Variants in CAMKK2 observed in about 807,000 individuals in gnomAD.
CAMKK2 encodes the protein calcium/calmodulin dependent protein kinase kinase 2, also known as calcium/calmodulin-dependent protein kinase kinase 2.
A neutral mutation model predicts 67.2 loss-of-function variants in CAMKK2; 30 were observed. The observed-to-expected ratio is 0.45, with a 90% CI of 0.33 to 0.61. The LOEUF is 0.61. CAMKK2 is among the 20% of genes least tolerant of loss of function. CAMKK2 has a pLI of 0.02. For missense variants in CAMKK2, 643 were observed against 802.0 expected (o/e 0.80, Z 2.39); for synonymous variants, 322 against 326.2 (o/e 0.99, Z 0.14).
rs201741875 is a variant in CAMKK2, at chr12:121,248,666, G to A, written c.1392C>T (p.Val464=). ...LPSEDENCTL[V]EVTEEEVENS... ...TCTCGACCTCCTCTTCAGTCACTTCGACCAGCGTGCAGTTCTCATCCTCCG... is the reference window on the plus strand; with the variant it reads ...TCTCGACCTCCTCTTCAGTCACTTCAACCAGCGTGCAGTTCTCATCCTCCG... The change falls in exon 14 of 17, where the codon GTC becomes GTT. Residue 464 remains valine (V), a synonymous_variant. Transcript: ENST00000404169. 363 of 1,614,068 alleles carry A rather than the reference G, an allele frequency of 2.2e-4. No individual in the cohort carries two copies. Among genetic ancestry groups the A allele is most frequent in the Admixed American group, 4.7e-4 (28 of 60,006 alleles).
At chr12:121,296,798 T>C (rs1026976137), upstream of CAMKK2, 2 of 140,706 alleles carry the variant, frequency 1.4e-5, no homozygotes, top group African/African-American at 2.6e-5. This position sits in a 1 kb window ranked among gnomAD's most constrained non-coding sequence, Gnocchi z 7.1. Flanking sequence ...CTTGGGCGCG[T>C]CGCCGCCCCG....
chr12:121,297,292 C>A, upstream of CAMKK2: 2 of 257,246 alleles, frequency 7.8e-6, no homozygotes, highest in South Asian at 7.9e-5. Flanking sequence ...CTGCGCTAGG[C>A]GCCGGGCGGT....
At chr12:121,267,035 T>C (rs1201474510) in intron 5 of CAMKK2, among the ~76,000 whole-genome samples, 1 of 145,758 alleles carries the variant, frequency 6.9e-6, no homozygotes, top group Non-Finnish European at 1.5e-5. Flanking sequence ...TTTTTTTTTT[T>C]TTTTTTTTTT....
chr12:121,270,335 G>A (rs1593408854), intron 3 of CAMKK2, among the ~76,000 whole-genome samples: 1 of 149,832 alleles, frequency 6.7e-6, no homozygotes, highest in Non-Finnish European at 1.5e-5. Context: ...GCGCCACTGC[G>A]CTCCAGCCTT....
rs1420240382 is a variant in CAMKK2 at position 121,270,834 on chromosome 12, C to G, written c.519+64G>C. ...TCCTGCTCCCAGCTTTACCCCGTTC[C>G]CTCCACAGTATCTGAACGCCCCTGG... is the stretch of plus-strand genomic sequence containing the variant. On this transcript the variant is annotated intron_variant, in intron 3 of 16. Coordinates refer to ENST00000404169, the MANE Select transcript of CAMKK2 (RefSeq NM_001270485.2). 3.8e-6 allele frequency: 5 copies of G among 1,317,228 alleles called. No individual in the cohort carries two copies. The Admixed American group carries it at 8.5e-5, about 22-fold the overall frequency. 81.6% of individuals were successfully genotyped at this position (1,317,228 alleles called of 1,614,324 possible). A position where few individuals can be genotyped will look rare whatever the true frequency, so the allele number is the denominator to read the frequency against.
At chr12:121,294,320 G>A (rs1900710202) in intron 1 of CAMKK2, among the ~76,000 whole-genome samples, 3 of 152,170 alleles carry the variant, frequency 2.0e-5, no homozygotes, top group Admixed American at 1.3e-4. Flanking sequence ...CTAAAAGCCA[G>A]GAGTGCTTAG....
intron 7 of CAMKK2, among the ~76,000 whole-genome samples, chr12:121,259,391 C>G (rs940126974): frequency 6.6e-6 from 1 of 152,202 alleles, no homozygotes; most frequent in African/African-American, 2.4e-5. Flanking sequence ...CCTGATGAAC[C>G]TACAGCAGGG....
At position 121,274,204 on chromosome 12, in the gene CAMKK2, C is replaced by G; in HGVS notation, c.323G>C (p.Gly108Ala). 1 of 1,602,856 alleles carries G rather than the reference C, an allele frequency of 6.2e-7. No homozygotes were observed. Among genetic ancestry groups the G allele is most frequent in the Non-Finnish European group, 8.5e-7 (1 of 1,172,670 alleles). ...GTCCAGGCTGCCACCGGCTGCCAGCCCACCCTGGGACCGCTCTTGCAGAGA... is the reference window on the plus strand; with the variant it reads ...GTCCAGGCTGCCACCGGCTGCCAGCGCACCCTGGGACCGCTCTTGCAGAGA... ...KLSLQERSQG[G>A]LAAGGSLDMN... Residue 108 changes from glycine (G) to alanine (A), a missense_variant, in exon 2 of 17, where the codon GGG (glycine) becomes GCG (alanine). Gly to Ala is a moderately conservative substitution (Grantham distance 60). This residue lies in a region of CAMKK2 where 483 missense variants were observed against 625.8 expected (regional missense o/e 0.77). Transcript: ENST00000404169.
At chr12:121,292,700 T>C (rs1210843216) in intron 1 of CAMKK2, among the ~76,000 whole-genome samples, 3 of 152,208 alleles carry the variant, frequency 2.0e-5, no homozygotes, top group East Asian at 3.9e-4. Flanking sequence ...CCAGACACAA[T>C]GGCTATAATC....
At chr12:121,252,784 G>A (rs1560568) in intron 10 of CAMKK2, 70 bp from the exon 11 acceptor site, 227,403 of 1,499,156 alleles carry the variant, frequency 0.15, 19,773 homozygotes, top group Admixed American at 0.31. Flanking sequence ...GTTTTCCTTT[G>A]GGGAACCACC....
intron 14 of CAMKK2, among the ~76,000 whole-genome samples, 154 bp downstream of exon 14, chr12:121,248,452 T>C (rs1055728258): frequency 2.6e-5 from 4 of 152,230 alleles, no homozygotes; most frequent in African/African-American, 9.6e-5. Flanking sequence ...CCTGGCCTGA[T>C]ACATGACCAA....
At chr12:121,288,905 C>T (rs894119581) in intron 1 of CAMKK2, among the ~76,000 whole-genome samples, 1 of 152,104 alleles carries the variant, frequency 6.6e-6, no homozygotes, top group Non-Finnish European at 1.5e-5. Context: ...GGGGTGGGGG[C>T]ACTACAGAAT....
intron 1 of CAMKK2, among the ~76,000 whole-genome samples, chr12:121,295,632 C>G (rs1900991435): frequency 6.6e-6 from 1 of 152,166 alleles, no homozygotes; most frequent in Admixed American, 6.5e-5. Flanking sequence ...CGTGGAGACT[C>G]CAAACACCAG....
chr12:121,282,334 AGGGACT>A (rs1400529290), intron 1 of CAMKK2, among the ~76,000 whole-genome samples: 1 of 152,202 alleles, frequency 6.6e-6, no homozygotes, highest in Admixed American at 6.5e-5. Context: ...GCAATGCTAC[AGGGACT>A]GGGCTCAGAC....
chr12:121,262,234 C>T (rs981587026), intron 6 of CAMKK2, among the ~76,000 whole-genome samples: 12 of 152,136 alleles, frequency 7.9e-5, no homozygotes, highest in Non-Finnish European at 1.3e-4. Flanking sequence ...ATTACTCGGC[C>T]GGGTGCAGTG....
At chr12:121,274,685 C>T (rs1896477970) in intron 1 of CAMKK2, 100 bp from the exon 2 acceptor site, 3 of 600,050 alleles carry the variant, frequency 5.0e-6, no homozygotes, top group Non-Finnish European at 8.8e-6. Context: ...ATTCCTGCCT[C>T]CAGTTGACAT....
At chr12:121,292,195 G>T (rs1900173170) in intron 1 of CAMKK2, among the ~76,000 whole-genome samples, 1 of 151,426 alleles carries the variant, frequency 6.6e-6, no homozygotes. Context: ...GCACGATCTT[G>T]GCTCAATGCA....
At chr12:121,244,455 C>G in intron 16 of CAMKK2, 118 bp downstream of exon 16, 1 of 1,013,640 alleles carries the variant, frequency 9.9e-7, no homozygotes, top group South Asian at 1.5e-5. Flanking sequence ...AGCCGGGCCA[C>G]AGCAGCCCAG....
Position 121,249,777 on chromosome 12 carries a change from C to T in CAMKK2, c.1323+10G>A. On this transcript the variant is annotated intron_variant, in intron 13 of 16. Coordinates refer to ENST00000404169, the MANE Select transcript of CAMKK2 (RefSeq NM_001270485.2). ...TTCCGAGCACGGGGCACAGGCTGAGCCAAGGGTACCTTGATTTCCGGCACC... is the reference window on the plus strand; with the variant it reads ...TTCCGAGCACGGGGCACAGGCTGAGTCAAGGGTACCTTGATTTCCGGCACC... 1.2e-6 allele frequency: 2 copies of T among 1,613,120 alleles called. No individual in the cohort carries two copies. Among genetic ancestry groups the T allele is most frequent in the Non-Finnish European group, 1.7e-6 (2 of 1,179,150 alleles).
Sources: allele counts gnomAD v4.1 joint callset (sites outside exome capture counted in the v4.1 genomes callset), GRCh38; gene constraint gnomAD v4.1.1; regional missense constraint gnomAD v4.1.1; non-coding constraint Gnocchi (gnomAD v3.1); transcripts MANE v1.5; gene names NCBI Gene and HGNC (gene_info 2026-07-23, HGNC 2026-07-21).